The following RNF144A variants were observed in gnomAD, a reference collection of about 807,000 sequenced individuals.
The protein encoded by RNF144A is ring finger protein 144A.
Under a neutral mutation model 38.7 loss-of-function variants are expected in RNF144A, and 11 were observed. The observed-to-expected ratio is 0.28, with a 90% CI of 0.18 to 0.47. RNF144A has a LOEUF of 0.47. Among genes scored for constraint, RNF144A ranks in the 20% least tolerant of loss-of-function variants. The pLI is 0.99. For missense variants in RNF144A, 316 were observed against 377.2 expected (o/e 0.84, Z 1.34); for synonymous variants, 149 against 143.9 (o/e 1.04, Z -0.25).
rs963651450 is a variant in RNF144A at position 7,042,393 on chromosome 2, A to G, written c.*2633A>G. The G allele has an allele frequency of 1.0e-4, 99 of 985,304 alleles. No individual in the cohort carries two copies. Among genetic ancestry groups the G allele is most frequent in the Non-Finnish European group, 1.1e-4 (91 of 829,946 alleles). 61.0% of individuals were successfully genotyped at this position (985,304 alleles called of 1,614,324 possible). ...TAATTTGTCTCCATTGAAAAATGGC[A>G]TTCACTCTTACAGATGGTGTTCACT... is the stretch of plus-strand genomic sequence containing the variant. On this transcript the variant is annotated 3_prime_UTR_variant, in exon 9 of 9. Coordinates refer to ENST00000320892, the MANE Select transcript of RNF144A (RefSeq NM_014746.6).
intron 8 of RNF144A, among the ~76,000 whole-genome samples, chr2:7,038,309 C>G (rs554033451): frequency 6.6e-6 from 1 of 152,320 alleles, no homozygotes; most frequent in South Asian, 2.1e-4. Context: ...CCATTGGAAA[C>G]CCTCCTTTCC....
chr2:6,969,695 C>T (rs941397038), intron 2 of RNF144A, among the ~76,000 whole-genome samples: 1 of 152,172 alleles, frequency 6.6e-6, no homozygotes, highest in African/African-American at 2.4e-5. Context: ...CATATTTGAC[C>T]TCAAGTGACG....
At chr2:7,051,514 G>A (rs1219637776) in intron 6 of RNF144A, among the ~76,000 whole-genome samples, 1 of 152,198 alleles carries the variant, frequency 6.6e-6, no homozygotes, top group African/African-American at 2.4e-5. Flanking sequence ...CATGAGGTTA[G>A]GAAGCCGCCA....
chr2:6,971,197 A>G (rs1667981467), intron 2 of RNF144A, among the ~76,000 whole-genome samples: 1 of 152,136 alleles, frequency 6.6e-6, no homozygotes, highest in Non-Finnish European at 1.5e-5. Context: ...GTTGGACAGT[A>G]ACCTCTGGCT....
intron 2 of RNF144A, among the ~76,000 whole-genome samples, chr2:6,948,658 CAG>C (rs1467416934): frequency 3.3e-5 from 5 of 152,130 alleles, no homozygotes; most frequent in Non-Finnish European, 7.3e-5. Context: ...CTCTTAGCAC[CAG>C]GAAAGCAGGG....
intron 1 of RNF144A, among the ~76,000 whole-genome samples, chr2:6,935,794 A>G (rs1051789283): frequency 1.3e-5 from 2 of 152,164 alleles, no homozygotes; most frequent in African/African-American, 4.8e-5. Context: ...TCACCAGGCC[A>G]CCCTCACGAG....
At chr2:6,936,843 T>TG (rs1665618756) in intron 1 of RNF144A, among the ~76,000 whole-genome samples, 4 of 60,316 alleles carry the variant, frequency 6.6e-5, no homozygotes, top group Non-Finnish European at 1.6e-4. Context: ...TCACACACAG[T>TG]AGTGTGTGTG....
Position 7,030,235 on chromosome 2 carries a change from G to C in RNF144A, c.747+20G>C. 1 of 1,534,194 alleles carries C rather than the reference G, an allele frequency of 6.5e-7. No homozygotes were observed. Among genetic ancestry groups the C allele is most frequent in the Non-Finnish European group, 9.0e-7 (1 of 1,108,860 alleles). ...ACACAGGTAGGAGGTGATTTGCCTG[G>C]AAGGTTGATCTCAGAGAGAGACTGT... On this transcript the variant is annotated intron_variant, in intron 8 of 8. Transcript: ENST00000320892.
intron 1 of RNF144A, among the ~76,000 whole-genome samples, chr2:6,934,926 A>G (rs1263760985): frequency 6.6e-6 from 1 of 152,172 alleles, no homozygotes; most frequent in East Asian, 1.9e-4. Flanking sequence ...ATCACCGCCA[A>G]GTTCAGTGAC....
At chr2:6,972,761 C>A (rs1668076130) in intron 2 of RNF144A, among the ~76,000 whole-genome samples, 1 of 152,186 alleles carries the variant, frequency 6.6e-6, no homozygotes, top group Non-Finnish European at 1.5e-5. Flanking sequence ...GAGCCACGTC[C>A]AGGCCCAAAC....
Position 7,043,581 on chromosome 2 carries a change from C to T in RNF144A, c.*3821C>T. 4 of 985,504 alleles carry T rather than the reference C, an allele frequency of 4.1e-6. No individual in the cohort carries two copies. The South Asian group carries it at 1.4e-4, about 35-fold the overall frequency. 61.0% of individuals were successfully genotyped at this position (985,504 alleles called of 1,614,324 possible). ...TTTATTTCTGATAATTAACCTAAGC[C>T]CTTATGAAAATAAACAAAATGAAGG... is the stretch of plus-strand genomic sequence containing the variant. On this transcript the variant is annotated 3_prime_UTR_variant, in exon 9 of 9. Coordinates refer to ENST00000320892, the MANE Select transcript of RNF144A (RefSeq NM_014746.6).
intron 1 of RNF144A, among the ~76,000 whole-genome samples, chr2:6,922,258 AT>A (rs1256960676): frequency 4.2e-5 from 2 of 47,796 alleles, no homozygotes; most frequent in African/African-American, 1.1e-4. Flanking sequence ...CGAACTAGAC[AT>A]TAGCCCCGTG....
intron 3 of RNF144A, among the ~76,000 whole-genome samples, chr2:7,013,577 A>G (rs534652789): frequency 2.6e-5 from 4 of 152,278 alleles, no homozygotes; most frequent in African/African-American, 4.8e-5. Flanking sequence ...ATCATTTTCT[A>G]TGCTCTTTGA....
chr2:6,949,645 C>A lies in RNF144A; in HGVS notation c.-12+8498C>A, dbSNP rs184014864. Among the ~76,000 whole-genome samples the A allele has an allele frequency of 4.3e-4, 65 of 152,186 alleles. 2 individuals carry two copies. In the South Asian group the frequency reaches 0.013, roughly 31 times the overall value. On this transcript the variant is annotated intron_variant, in intron 2 of 8. Transcript: ENST00000320892. Reference sequence around the variant, plus strand: ...GGAGTGAGGAGGGTGTGGACGTCACCCAGAACTTCCATTTCAGAGACCTGC... The same window carrying A: ...GGAGTGAGGAGGGTGTGGACGTCACACAGAACTTCCATTTCAGAGACCTGC...
rs111893002 is a variant in RNF144A, at chr2:6,935,760, G to A, written c.-211-5188G>A. Among the ~76,000 whole-genome samples, 2 of 151,964 alleles carry A rather than the reference G, an allele frequency of 1.3e-5. 1 individual carries two copies. The highest frequency in any genetic ancestry group is 4.2e-4 in the South Asian group (2 of 4,788). ...CCAGTGTTAATGGTAACAGCATGTA[G>A]ATGGGATGGCCTCTCACCTTGTGTC... On this transcript the variant is annotated intron_variant, in intron 1 of 8. Transcript: ENST00000320892.
intron 5 of RNF144A, among the ~76,000 whole-genome samples, chr2:7,017,923 C>T (rs1370834477): frequency 1.3e-5 from 2 of 152,184 alleles, no homozygotes; most frequent in East Asian, 1.9e-4. Context: ...CAGGCAGTGC[C>T]GTGTCACAGC....
At chr2:6,968,996 G>A (rs570456542) in intron 2 of RNF144A, among the ~76,000 whole-genome samples, 1 of 152,304 alleles carries the variant, frequency 6.6e-6, no homozygotes, top group East Asian at 1.9e-4. Flanking sequence ...GGTGCACCCT[G>A]GTATACCGCC....
chr2:7,000,855 T>G (rs1558420628), intron 3 of RNF144A, among the ~76,000 whole-genome samples: 1 of 150,484 alleles, frequency 6.6e-6, no homozygotes, highest in African/African-American at 2.4e-5. Flanking sequence ...ATATATATAT[T>G]GCGTTTATAT....
intron 7 of RNF144A, among the ~76,000 whole-genome samples, chr2:7,027,671 G>A (rs993953567): frequency 2.6e-5 from 4 of 152,168 alleles, no homozygotes; most frequent in African/African-American, 9.7e-5. Flanking sequence ...GCTTCCCGGA[G>A]CTTGCACCAT....
Sources: allele counts gnomAD v4.1 joint callset (sites outside exome capture counted in the v4.1 genomes callset), GRCh38; gene constraint gnomAD v4.1.1; transcripts MANE v1.5; gene names NCBI Gene and HGNC (gene_info 2026-07-23, HGNC 2026-07-21).